The following CLIC2 variants were observed in gnomAD, a reference collection of about 807,000 sequenced individuals.
CLIC2 encodes CLIC family member 2.
Under a neutral mutation model 14.8 loss-of-function variants are expected in CLIC2, and 9 were observed. That is an observed-to-expected ratio of 0.61 (90% confidence interval 0.37 to 1.06). The LOEUF (loss-of-function observed/expected upper bound fraction) is 1.06. Among genes scored for constraint, CLIC2 ranks in the 50% least tolerant of loss-of-function variants. The pLI is 0.01. For missense variants in CLIC2, 148 were observed against 181.4 expected (o/e 0.82, Z 1.06); for synonymous variants, 61 against 66.3 (o/e 0.92, Z 0.39).
intron 3 of CLIC2, among the ~76,000 whole-genome samples, chrX:155,285,153 T>C (rs782747981): frequency 1.2e-4 from 13 of 112,394 alleles, no homozygotes; most frequent in Non-Finnish European, 2.1e-4. Context: ...TATCCAGCAA[T>C]ATGGAAGACT....
chrX:155,311,345 A>G (rs936555839), intron 1 of CLIC2, among the ~76,000 whole-genome samples: 1 of 111,651 alleles, frequency 9.0e-6, no homozygotes. Context: ...TCTCAAGTTC[A>G]AACTTCCACA....
At chrX:155,294,809 T>A (rs1469864556) in intron 3 of CLIC2, among the ~76,000 whole-genome samples, 1 of 111,773 alleles carries the variant, frequency 8.9e-6, no homozygotes, top group Non-Finnish European at 1.9e-5. Flanking sequence ...ACATACAATG[T>A]GCTGAGACTG....
chrX:155,298,851 T>C lies in CLIC2; in HGVS notation c.227A>G (p.Asn76Ser). ...PGTNPPFLVY[N>S]KELKTDFIKI... is the part of the protein sequence containing the mutation. ...AATGAAGTCTGTTTTCAACTCCTTG[T>C]TATACACCAGGAACGGAGGATTGGT... The change falls in exon 3 of 6, where the codon AAC becomes AGC. Residue 76 changes from asparagine to serine, a missense_variant. Transcript: ENST00000369449. 1 of 1,208,192 alleles carries C rather than the reference T, an allele frequency of 8.3e-7. No individual in the cohort carries two copies. The highest frequency in any genetic ancestry group is 1.1e-6 in the Non-Finnish European group (1 of 892,129).
chrX:155,318,798 C>T (rs782300999), intron 1 of CLIC2, among the ~76,000 whole-genome samples: 83 of 111,669 alleles, frequency 7.4e-4, no homozygotes, highest in South Asian at 4.9e-3. Context: ...TCTCATTACC[C>T]GACTTCAAAC....
intron 1 of CLIC2, among the ~76,000 whole-genome samples, chrX:155,323,742 G>T (rs868994306): frequency 2.7e-5 from 3 of 111,970 alleles, no homozygotes; most frequent in Non-Finnish European, 5.6e-5. Context: ...AAGTCAAATT[G>T]TATCTGTTTG....
chrX:155,334,526 T>C lies in CLIC2; in HGVS notation c.-99A>G, dbSNP rs1242323064. The C allele has an allele frequency of 1.3e-6, 1 of 745,830 alleles. No homozygotes were observed. Among genetic ancestry groups the C allele is most frequent in the East Asian group, 3.2e-5 (1 of 31,416 alleles). 61.5% of individuals were successfully genotyped at this position (745,830 alleles called of 1,213,427 possible). ...TTTTATCCAAAGACTCAAGTAATGT[T>C]GGTGCTTTAAGAAGACCGTCTAGCT... On this transcript the variant is annotated 5_prime_UTR_variant, in exon 1 of 6. Transcript: ENST00000369449.
At chrX:155,328,919 T>C (rs1283158306) in intron 1 of CLIC2, among the ~76,000 whole-genome samples, 1 of 111,030 alleles carries the variant, frequency 9.0e-6, no homozygotes, top group African/African-American at 3.3e-5. Flanking sequence ...AGAATGAAAC[T>C]AGACCCCTAT....
intron 1 of CLIC2, among the ~76,000 whole-genome samples, chrX:155,302,221 G>T (rs1318952408): frequency 2.8e-5 from 3 of 107,939 alleles, no homozygotes; most frequent in South Asian, 4.2e-4. Flanking sequence ...GACTCTTTTT[G>T]GTTGGTAAGC....
At chrX:155,305,106 A>C (rs1167144748) in intron 1 of CLIC2, among the ~76,000 whole-genome samples, 1 of 112,172 alleles carries the variant, frequency 8.9e-6, no homozygotes, top group Non-Finnish European at 1.9e-5. Flanking sequence ...GGTGGGCTCC[A>C]CCCAGTTCGA....
intron 3 of CLIC2, chrX:155,290,700 C>G: frequency 1.2e-6 from 1 of 848,713 alleles, no homozygotes; most frequent in Non-Finnish European, 1.8e-6. Flanking sequence ...CTTGGGAATC[C>G]TCTTTGGCAA....
intron 3 of CLIC2, among the ~76,000 whole-genome samples, chrX:155,283,533 G>A (rs1326932543): frequency 1.8e-5 from 2 of 111,243 alleles, no homozygotes; most frequent in Non-Finnish European, 3.8e-5. Context: ...GCGCCCATTA[G>A]GTATATCTCC....
intron 1 of CLIC2, among the ~76,000 whole-genome samples, chrX:155,305,181 C>G (rs781968163): frequency 6.9e-4 from 77 of 112,097 alleles, no homozygotes; most frequent in Non-Finnish European, 9.4e-4. Context: ...CCCCCAGCCT[C>G]GCTGCCACCT....
At chrX:155,282,073 G>A (rs1038439419) in intron 3 of CLIC2, among the ~76,000 whole-genome samples, 6 of 111,152 alleles carry the variant, frequency 5.4e-5, no homozygotes, top group Middle Eastern at 4.6e-3. Flanking sequence ...TCCCTCACTC[G>A]CTCAATTATG....
At chrX:155,313,516 A>G (rs2124200916) in intron 1 of CLIC2, among the ~76,000 whole-genome samples, 1 of 112,545 alleles carries the variant, frequency 8.9e-6, no homozygotes, top group Admixed American at 9.4e-5. Context: ...CATATACACA[A>G]CTGAATATGA....
intron 5 of CLIC2, 98 bp downstream of exon 5, chrX:155,279,051 G>A: frequency 1.5e-6 from 1 of 653,977 alleles, no homozygotes; most frequent in South Asian, 2.2e-5. Flanking sequence ...TAATGACAAA[G>A]CTATAATATA....
intron 3 of CLIC2, chrX:155,293,361 G>A: frequency 2.7e-6 from 3 of 1,095,461 alleles, no homozygotes; most frequent in Non-Finnish European, 3.8e-6. Flanking sequence ...AGTCCAACAA[G>A]AAAGGAAAGG....
chrX:155,308,128 A>G (rs1330979466), intron 1 of CLIC2, among the ~76,000 whole-genome samples: 1 of 110,372 alleles, frequency 9.1e-6, no homozygotes, highest in Non-Finnish European at 1.9e-5. Flanking sequence ...TCAGACAAAG[A>G]TTCAAAATAA....
At chrX:155,285,773 C>T (rs1379544715) in intron 3 of CLIC2, among the ~76,000 whole-genome samples, 1 of 110,595 alleles carries the variant, frequency 9.0e-6, no homozygotes, top group Non-Finnish European at 1.9e-5. Flanking sequence ...AGCTATCATC[C>T]TAGGTTCATT....
chrX:155,293,441 TAAAG>T, intron 3 of CLIC2: 1 of 621,366 alleles, frequency 1.6e-6, no homozygotes, highest in Non-Finnish European at 2.8e-6. Flanking sequence ...ATAAAGAAAA[TAAAG>T]GACTCAAATA....
Sources: allele counts gnomAD v4.1 joint callset (sites outside exome capture counted in the v4.1 genomes callset), GRCh38; gene constraint gnomAD v4.1.1; transcripts MANE v1.5; gene names NCBI Gene and HGNC (gene_info 2026-07-23, HGNC 2026-07-21).